The following CTNNA2 variants were observed in gnomAD, a reference collection of about 807,000 sequenced individuals.
The protein encoded by CTNNA2 is catenin alpha 2, also known as catenin alpha-2.
In CTNNA2, 42 loss-of-function variants were observed where a neutral mutation model predicts 101.0. The observed-to-expected ratio is 0.42, with a 90% confidence interval of 0.32 to 0.54. The LOEUF (loss-of-function observed/expected upper bound fraction) is 0.54. CTNNA2 is among the 20% of genes least tolerant of loss of function. The pLI, the probability that CTNNA2 is intolerant of heterozygous loss-of-function variation, is 0.14. For synonymous variants in CTNNA2, 450 were observed against 456.4 expected, an observed-to-expected ratio of 0.99 and a Z score of 0.18; for missense variants, 871 against 1,223.1, an observed-to-expected ratio of 0.71 and a Z score of 4.29.
intron 2 of CTNNA2, among the ~76,000 whole-genome samples, chr2:79,732,445 A>C (rs1558880578): frequency 6.6e-6 from 1 of 152,222 alleles, no homozygotes; most frequent in East Asian, 1.9e-4. Flanking sequence ...TTATCTGCCA[A>C]ATGTTATAAT....
intron 7 of CTNNA2, among the ~76,000 whole-genome samples, chr2:80,133,508 C>T (rs1248662159): frequency 6.6e-6 from 1 of 151,934 alleles, no homozygotes; most frequent in African/African-American, 2.4e-5. Context: ...AAAATAAGCC[C>T]AAATGTATAT....
intron 7 of CTNNA2, among the ~76,000 whole-genome samples, chr2:80,322,984 G>A (rs1325368792): frequency 6.6e-6 from 1 of 152,222 alleles, no homozygotes; most frequent in African/African-American, 2.4e-5. Context: ...AAGGGAGAAC[G>A]GGTATTAACC....
chr2:80,042,516 AC>A (rs1425052082), intron 7 of CTNNA2, among the ~76,000 whole-genome samples: 1 of 152,102 alleles, frequency 6.6e-6, no homozygotes, highest in African/African-American at 2.4e-5. Context: ...TTTATCTGGC[AC>A]CTCTTTTACC....
At chr2:79,841,625 A>ATAAT (rs543520415) in intron 3 of CTNNA2, among the ~76,000 whole-genome samples, 95 of 152,360 alleles carry the variant, frequency 6.2e-4, no homozygotes, top group Non-Finnish European at 1.0e-3. Flanking sequence ...TAGATGATGA[A>ATAAT]TAATTTCTCA....
chr2:79,388,687 C>T (rs1301525462), intron 4 of CTNNA2, among the ~76,000 whole-genome samples: 1 of 152,164 alleles, frequency 6.6e-6, no homozygotes, highest in Non-Finnish European at 1.5e-5. Context: ...CTAATGAGGG[C>T]AGATGCAGTT....
intron 3 of CTNNA2, among the ~76,000 whole-genome samples, chr2:79,749,822 A>T (rs1671889361): frequency 6.6e-6 from 1 of 152,188 alleles, no homozygotes; most frequent in African/African-American, 2.4e-5. Flanking sequence ...ACAGGGGATT[A>T]AAAAAACGCT....
intron 7 of CTNNA2, among the ~76,000 whole-genome samples, chr2:80,195,719 A>G (rs568055483): frequency 2.6e-4 from 39 of 151,844 alleles, no homozygotes; most frequent in African/African-American, 8.0e-4. Context: ...TAGAAAACCT[A>G]TGTGTTTTTG....
intron 7 of CTNNA2, among the ~76,000 whole-genome samples, chr2:80,016,588 A>G (rs540105597): frequency 1.3e-5 from 2 of 152,336 alleles, no homozygotes; most frequent in East Asian, 3.9e-4. Flanking sequence ...ATACAGATTT[A>G]TTATATTTAC....
At chr2:79,370,041 C>T (rs753571668) in intron 3 of CTNNA2, among the ~76,000 whole-genome samples, 3 of 152,202 alleles carry the variant, frequency 2.0e-5, no homozygotes, top group African/African-American at 4.8e-5. Flanking sequence ...GAAGCTACAA[C>T]TGGGCCAATG....
chr2:80,005,611 T>C (rs898381405), intron 7 of CTNNA2, among the ~76,000 whole-genome samples: 1 of 152,104 alleles, frequency 6.6e-6, no homozygotes. Context: ...AAGAAAATCC[T>C]AGAAAGCCTA....
Position 79,287,053 on chromosome 2 carries a change from C to G in CTNNA2, c.-405-25656C>G, listed in dbSNP as rs540115890. ...TTTCTTCCAGTTGATCGCATCAGCT[C>G]CTGAGACTTCTGCATTCTTCACGTA... On this transcript the variant is annotated intron_variant, in intron 2 of 21. Coordinates refer to the CTNNA2 transcript ENST00000466387. Among the ~76,000 whole-genome samples the G allele has an allele frequency of 9.2e-5, 14 of 152,290 alleles. No homozygotes were observed. The East Asian group carries it at 2.7e-3, about 29-fold the overall frequency.
intron 2 of CTNNA2, among the ~76,000 whole-genome samples, chr2:79,199,282 T>A (rs1674002214): frequency 6.6e-6 from 1 of 152,200 alleles, no homozygotes. Flanking sequence ...ACTAATAGAA[T>A]CTTTGCTTGT....
At chr2:79,421,483 A>G (rs1456273183) in intron 4 of CTNNA2, among the ~76,000 whole-genome samples, 2 of 152,146 alleles carry the variant, frequency 1.3e-5, no homozygotes, top group Non-Finnish European at 2.9e-5. Flanking sequence ...GAGCTAATGA[A>G]CTGTTTGGAC....
rs1028030818 is a variant in CTNNA2, at chr2:80,627,567, C to A, written c.2574+8339C>A. ...TTGCCCACTTTTTGATGGTTTTTTT[C>A]TTCTTGTAAATTTAAGTTCTTTGTA... On this transcript the variant is annotated intron_variant, in intron 18 of 18. Transcript: ENST00000402739. Among the ~76,000 whole-genome samples, 5 of 151,188 alleles carry A rather than the reference C, an allele frequency of 3.3e-5. No homozygotes were observed. In the East Asian group the frequency reaches 9.8e-4, roughly 29 times the overall value.
At chr2:79,221,210 A>G (rs961210653) in intron 2 of CTNNA2, among the ~76,000 whole-genome samples, 12 of 152,302 alleles carry the variant, frequency 7.9e-5, no homozygotes, top group African/African-American at 2.6e-4. Context: ...ATGCAGTGGC[A>G]CAAACACTGC....
intron 12 of CTNNA2, among the ~76,000 whole-genome samples, chr2:80,557,337 G>C (rs1223774437): frequency 6.6e-6 from 1 of 152,164 alleles, no homozygotes; most frequent in East Asian, 1.9e-4. Context: ...ACTTGGAAGA[G>C]TTATAAAAAG....
intron 7 of CTNNA2, among the ~76,000 whole-genome samples, chr2:79,953,352 C>T (rs771514778): frequency 3.3e-5 from 5 of 152,154 alleles, no homozygotes; most frequent in Non-Finnish European, 5.9e-5. Context: ...CAGTTCCAGA[C>T]GAGGGAGGCA....
chr2:80,310,831 G>A (rs1277030919), intron 7 of CTNNA2, among the ~76,000 whole-genome samples: 1 of 151,916 alleles, frequency 6.6e-6, no homozygotes, highest in African/African-American at 2.4e-5. Flanking sequence ...AAATTAGCTG[G>A]GCCTGGTGAC....
chr2:80,232,337 G>C (rs201029329), intron 7 of CTNNA2, among the ~76,000 whole-genome samples: 1 of 45,094 alleles, frequency 2.2e-5, no homozygotes, highest in African/African-American at 1.6e-4. Flanking sequence ...TTGTTTGTTT[G>C]TTTGTTTGTT....
Sources: allele counts gnomAD v4.1 joint callset (sites outside exome capture counted in the v4.1 genomes callset), GRCh38; gene constraint gnomAD v4.1.1; transcripts MANE v1.5; gene names NCBI Gene and HGNC (gene_info 2026-07-23, HGNC 2026-07-21).